ANO3: variants seen among roughly 807,000 people sequenced by gnomAD.
The protein encoded by ANO3 is anoctamin 3.
Under a neutral mutation model 144.8 loss-of-function variants are expected in ANO3, and 99 were observed. That is an observed-to-expected ratio of 0.68 (90% confidence interval 0.58 to 0.81). The LOEUF is 0.81. Ranked by LOEUF, ANO3 falls within the 30% of genes least tolerant of loss-of-function variation. The pLI, the probability that ANO3 is intolerant of heterozygous loss-of-function variation, is 0.00. For synonymous variants in ANO3, 414 were observed against 392.6 expected, an observed-to-expected ratio of 1.05 and a Z score of -0.64; for missense variants, 905 against 1,202.2, an observed-to-expected ratio of 0.75 and a Z score of 3.66.
chr11:26,384,184 G>A (rs1280208586), intron 1 of ANO3, among the ~76,000 whole-genome samples: 1 of 151,986 alleles, frequency 6.6e-6, no homozygotes, highest in Non-Finnish European at 1.5e-5. Flanking sequence ...ACAGGCGTGA[G>A]CCACCGTGCC....
intron 3 of ANO3, among the ~76,000 whole-genome samples, chr11:26,447,180 C>T (rs935435880): frequency 2.5e-5 from 3 of 120,304 alleles, no homozygotes; most frequent in Non-Finnish European, 4.8e-5. Flanking sequence ...GCACTGCAGC[C>T]TGGGCAACAG....
At chr11:26,299,580 A>G (rs191651452) in intron 1 of ANO3, among the ~76,000 whole-genome samples, 1 of 152,000 alleles carries the variant, frequency 6.6e-6, no homozygotes, top group Non-Finnish European at 1.5e-5. Context: ...TAGAAGACCT[A>G]TTTGTATAGT....
At chr11:26,385,824 TACAC>T (rs71047847) in intron 1 of ANO3, among the ~76,000 whole-genome samples, 1,934 of 137,934 alleles carry the variant, frequency 0.014, 19 homozygotes, top group African/African-American at 0.032. Flanking sequence ...TTCACACACA[TACAC>T]ACACACACAC....
At chr11:26,391,217 G>A (rs572095669) in intron 1 of ANO3, among the ~76,000 whole-genome samples, 3 of 152,194 alleles carry the variant, frequency 2.0e-5, no homozygotes, top group African/African-American at 7.2e-5. Flanking sequence ...GGCTTAAGGT[G>A]ACACAGGGCA....
At chr11:26,456,124 G>C (rs1446857921) in intron 3 of ANO3, among the ~76,000 whole-genome samples, 1 of 152,000 alleles carries the variant, frequency 6.6e-6, no homozygotes, top group Non-Finnish European at 1.5e-5. Context: ...AAAAACCCTA[G>C]AAGAAAACCT....
chr11:26,627,814 A>AGTGTGTGTGTGTGTGT (rs72002807), intron 18 of ANO3, among the ~76,000 whole-genome samples: 47 of 131,278 alleles, frequency 3.6e-4, no homozygotes, highest in African/African-American at 1.1e-3. Context: ...AATAGAATCT[A>AGTGTGTGTGTGTGTGT]GTGTGTGTGT....
chr11:26,391,753 C>T (rs1287107808), intron 1 of ANO3, among the ~76,000 whole-genome samples: 1 of 151,818 alleles, frequency 6.6e-6, no homozygotes, highest in Non-Finnish European at 1.5e-5. Context: ...TTTGAGAGAC[C>T]CTATCTCTAT....
At chr11:26,334,867 T>C (rs1276514907) in intron 1 of ANO3, among the ~76,000 whole-genome samples, 1 of 152,210 alleles carries the variant, frequency 6.6e-6, no homozygotes, top group Non-Finnish European at 1.5e-5. Flanking sequence ...TAGCCTGATA[T>C]AACTAGAAAT....
intron 1 of ANO3, among the ~76,000 whole-genome samples, chr11:26,266,437 T>G (rs1665063951): frequency 6.6e-6 from 1 of 150,498 alleles, no homozygotes; most frequent in South Asian, 2.1e-4. Context: ...ATGTAATTTT[T>G]TTTTTTTTTT....
At chr11:26,446,789 C>T (rs915694129) in intron 3 of ANO3, among the ~76,000 whole-genome samples, 1 of 152,138 alleles carries the variant, frequency 6.6e-6, no homozygotes, top group South Asian at 2.1e-4. Flanking sequence ...TAGCTCCTAG[C>T]ACATCATGGG....
At chr11:26,270,854 C>T (rs1853423729) in intron 1 of ANO3, among the ~76,000 whole-genome samples, 1 of 152,148 alleles carries the variant, frequency 6.6e-6, no homozygotes, top group Non-Finnish European at 1.5e-5. Flanking sequence ...ATGGTCAGAG[C>T]AGACTTAGGG....
intron 14 of ANO3, among the ~76,000 whole-genome samples, chr11:26,585,090 T>A (rs1378598433): frequency 1.3e-5 from 2 of 152,158 alleles, no homozygotes; most frequent in Non-Finnish European, 2.9e-5. Flanking sequence ...AGGCCTCTGA[T>A]CCTCTGACTC....
Position 26,621,716 on chromosome 11 carries a change from G to A in ANO3, c.1837-2746G>A, listed in dbSNP as rs571659154. On this transcript the variant is annotated intron_variant, in intron 17 of 26. Transcript: ENST00000256737. The stretch of plus-strand genomic sequence containing the variant: ...TAGAGATTATGTCTTTTTGATTCAG[G>A]TATGTTTGGTTTCTAAAACACTAAC... Among the ~76,000 whole-genome samples, 3 of 152,080 alleles carry A rather than the reference G, an allele frequency of 2.0e-5. No individual in the cohort carries two copies. The South Asian group carries it at 6.2e-4, about 32-fold the overall frequency.
Position 26,515,018 on chromosome 11 carries a change from TA to T in ANO3, c.592-1802del, listed in dbSNP as rs201944373. On this transcript the variant is annotated intron_variant, in intron 5 of 26. Transcript: ENST00000256737. ...TATTTGAATGAATCAATAGTCACTT[TA>T]AAAAAATTATATACATTTTTCCCAA... 6.4e-3 allele frequency among the ~76,000 whole-genome samples: 981 copies of T among 152,126 alleles called. 12 individuals carry two copies. Among genetic ancestry groups the T allele is most frequent in the African/African-American group, 0.022 (921 of 41,536 alleles).
At chr11:26,575,991 C>T (rs116608535) in intron 14 of ANO3, among the ~76,000 whole-genome samples, 2,220 of 152,260 alleles carry the variant, frequency 0.015, 52 homozygotes, top group African/African-American at 0.051. Flanking sequence ...CTTTTGCTGA[C>T]GTGATCATAG....
intron 1 of ANO3, among the ~76,000 whole-genome samples, chr11:26,267,414 G>A (rs1853340186): frequency 6.6e-6 from 1 of 152,090 alleles, no homozygotes; most frequent in African/African-American, 2.4e-5. Flanking sequence ...TCCTTCTATA[G>A]AGGATTCATA....
intron 4 of ANO3, among the ~76,000 whole-genome samples, chr11:26,492,174 C>T (rs1860735112): frequency 1.3e-5 from 2 of 152,176 alleles, no homozygotes; most frequent in South Asian, 4.1e-4. Flanking sequence ...CTCTTTGAAG[C>T]ATTAGGATGA....
chr11:26,253,876 G>A (rs959999659), intron 1 of ANO3, among the ~76,000 whole-genome samples: 1 of 152,058 alleles, frequency 6.6e-6, no homozygotes, highest in Non-Finnish European at 1.5e-5. Flanking sequence ...CAAGGACAAG[G>A]CCTCTGGCAC....
chr11:26,571,403 GT>G (rs1850820984), intron 14 of ANO3, among the ~76,000 whole-genome samples: 1 of 152,020 alleles, frequency 6.6e-6, no homozygotes, highest in South Asian at 2.1e-4. Context: ...TTCATAGGAT[GT>G]TTTCTGTAGT....
Sources: gnomAD v4.1 joint callset for allele counts (sites outside exome capture counted in the v4.1 genomes callset) on GRCh38, gnomAD v4.1.1 for gene constraint, MANE v1.5 for transcripts, NCBI Gene and HGNC (gene_info 2026-07-23, HGNC 2026-07-21) for gene names.